Variants in SHTN1 observed in about 807,000 individuals in gnomAD.
SHTN1 encodes the protein shootin-1.
A neutral mutation model predicts 83.1 loss-of-function variants in SHTN1; 42 were observed. The ratio of observed to expected loss-of-function variants is 0.51; its 90% confidence interval spans 0.39 to 0.65. SHTN1 has a LOEUF of 0.65. SHTN1 is among the 30% of genes least tolerant of loss of function. The pLI, the probability that SHTN1 is intolerant of heterozygous loss-of-function variation, is 0.00. For missense variants in SHTN1, 622 were observed against 737.8 expected (o/e 0.84, Z 1.82); for synonymous variants, 224 against 247.7 (o/e 0.90, Z 0.90).
chr10:117,005,547 A>G (rs1564928120), upstream of SHTN1: 7 of 1,002,574 alleles, frequency 7.0e-6, no homozygotes, highest in African/African-American at 1.7e-5. Context: ...GGTCGCTCCC[A>G]AAGAACCACA....
intron 4 of SHTN1, among the ~76,000 whole-genome samples, chr10:116,958,254 C>A (rs1391234546): frequency 4.6e-5 from 7 of 152,110 alleles, no homozygotes; most frequent in South Asian, 2.1e-4. Context: ...TGAAGTCACA[C>A]ATATAATGAA....
At chr10:117,108,343 G>A (rs1274408867) in intron 1 of SHTN1, among the ~76,000 whole-genome samples, 2 of 152,036 alleles carry the variant, frequency 1.3e-5, no homozygotes, top group Non-Finnish European at 2.9e-5. Flanking sequence ...TTAAGAAAAT[G>A]TGGCACATAT....
chr10:117,028,502 C>G (rs1326055739), intron 2 of SHTN1, among the ~76,000 whole-genome samples: 1 of 152,164 alleles, frequency 6.6e-6, no homozygotes, highest in Non-Finnish European at 1.5e-5. Context: ...GGCAGCCCCT[C>G]CCATCACAGG....
intron 1 of SHTN1, among the ~76,000 whole-genome samples, chr10:116,982,482 G>A (rs988892585): frequency 6.6e-6 from 1 of 152,028 alleles, no homozygotes; most frequent in African/African-American, 2.4e-5. Flanking sequence ...CAGCAAAACT[G>A]GCAAAAACTG....
At chr10:117,000,312 C>T (rs907388424) in intron 1 of SHTN1, among the ~76,000 whole-genome samples, 5 of 152,160 alleles carry the variant, frequency 3.3e-5, no homozygotes, top group East Asian at 1.9e-4. Flanking sequence ...CCAGTTATTT[C>T]CTGGCCTAGA....
At chr10:117,002,942 T>C (rs1203347389) in intron 1 of SHTN1, among the ~76,000 whole-genome samples, 4 of 152,150 alleles carry the variant, frequency 2.6e-5, no homozygotes, top group Non-Finnish European at 5.9e-5. Flanking sequence ...TCCAATACAA[T>C]GCAATAGGAG....
intron 16 of SHTN1, among the ~76,000 whole-genome samples, chr10:116,892,582 G>C (rs1277000756): frequency 1.3e-5 from 2 of 152,040 alleles, no homozygotes; most frequent in Non-Finnish European, 2.9e-5. Flanking sequence ...CAAAATACTT[G>C]CATTTTCATT....
At chr10:117,119,083 A>G (rs1460841153) in intron 1 of SHTN1, among the ~76,000 whole-genome samples, 1 of 152,246 alleles carries the variant, frequency 6.6e-6, no homozygotes, top group Non-Finnish European at 1.5e-5. Context: ...CTAAATACAG[A>G]AAGACAAATA....
chr10:117,004,180 C>G (rs2133546107), intron 1 of SHTN1, among the ~76,000 whole-genome samples: 2 of 152,302 alleles, frequency 1.3e-5, no homozygotes, highest in South Asian at 4.1e-4. Flanking sequence ...AGCCACCGCA[C>G]CCGGCTGGTT....
intron 2 of SHTN1, among the ~76,000 whole-genome samples, chr10:117,039,407 C>T (rs947256275): frequency 2.0e-5 from 3 of 152,038 alleles, no homozygotes; most frequent in Non-Finnish European, 2.9e-5. Context: ...TTGGTGGATA[C>T]GTATCATTAT....
intron 1 of SHTN1, among the ~76,000 whole-genome samples, chr10:117,065,785 G>GAAAGAAAGAAAGAAAGA (rs1564947290): frequency 8.2e-5 from 1 of 12,224 alleles, no homozygotes; most frequent in Admixed American, 1.2e-3. Flanking sequence ...AGAAAGAAAG[G>GAAAGAAAGAAAGAAAGA]AAGGAAGGAA....
At chr10:116,959,526 T>A (rs2133439452) in intron 4 of SHTN1, among the ~76,000 whole-genome samples, 1 of 152,326 alleles carries the variant, frequency 6.6e-6, no homozygotes, top group African/African-American at 2.4e-5. Flanking sequence ...GTGGTTCAGA[T>A]GCATTTTACC....
chr10:117,054,530 C>A (rs370128753), intron 1 of SHTN1, among the ~76,000 whole-genome samples: 1 of 151,538 alleles, frequency 6.6e-6, no homozygotes, highest in South Asian at 2.1e-4. Flanking sequence ...CTCAGCCTCC[C>A]GAGTAGCTGG....
chr10:116,923,167 G>T (rs543906332), intron 11 of SHTN1, among the ~76,000 whole-genome samples: 5 of 152,234 alleles, frequency 3.3e-5, no homozygotes, highest in East Asian at 1.9e-4. Flanking sequence ...AGGGAGGAAG[G>T]TGGTTATCTT....
At chr10:117,095,401 C>A (rs1230941235) in intron 1 of SHTN1, among the ~76,000 whole-genome samples, 5 of 152,174 alleles carry the variant, frequency 3.3e-5, no homozygotes, top group Non-Finnish European at 7.3e-5. Flanking sequence ...TGAAGACTCA[C>A]AATACGGTAT....
chr10:117,116,312 T>A (rs891147963), intron 1 of SHTN1, among the ~76,000 whole-genome samples: 2 of 152,084 alleles, frequency 1.3e-5, no homozygotes, highest in African/African-American at 4.8e-5. Context: ...TTGGGAAACC[T>A]AGAAGAAATG....
intron 1 of SHTN1, among the ~76,000 whole-genome samples, chr10:117,094,951 C>T (rs1241145832): frequency 6.6e-6 from 1 of 152,184 alleles, no homozygotes; most frequent in Non-Finnish European, 1.5e-5. Flanking sequence ...ACATTAATGA[C>T]GCTGACATCG....
At chr10:117,095,375 G>C (rs779708982) in intron 1 of SHTN1, among the ~76,000 whole-genome samples, 36 of 152,130 alleles carry the variant, frequency 2.4e-4, no homozygotes, top group Admixed American at 1.4e-3. Flanking sequence ...TTAACATTAG[G>C]GGGACTCAAC....
intron 1 of SHTN1, among the ~76,000 whole-genome samples, chr10:117,058,713 C>G (rs1172959622): frequency 6.6e-6 from 1 of 152,166 alleles, no homozygotes; most frequent in Non-Finnish European, 1.5e-5. Flanking sequence ...CACCTATGTT[C>G]ATGGCAGCCA....
Sources: allele counts gnomAD v4.1 joint callset (sites outside exome capture counted in the v4.1 genomes callset), GRCh38; gene constraint gnomAD v4.1.1; transcripts MANE v1.5; gene names NCBI Gene and HGNC (gene_info 2026-07-23, HGNC 2026-07-21).